CYREN: variants seen among roughly 807,000 people sequenced by gnomAD.
CYREN encodes the protein cell cycle regulator of NHEJ.
CYREN carries 7 observed loss-of-function variants against 9.7 expected under a neutral mutation model. The observed-to-expected ratio is 0.72, with a 90% CI of 0.41 to 1.36. The LOEUF is 1.36. Ranked by LOEUF, CYREN falls within the 40% of genes most tolerant of loss-of-function variation. CYREN has a pLI of 0.01. For missense variants in CYREN, 215 were observed against 198.1 expected (o/e 1.09, Z -0.51); for synonymous variants, 76 against 77.9 (o/e 0.98, Z 0.13).
chr7:135,165,331 T>C (rs185351292), downstream of CYREN: 41 of 243,766 alleles, frequency 1.7e-4, no homozygotes, highest in African/African-American at 7.7e-4. Flanking sequence ...GAGGGAGTGA[T>C]TGCTGTCATG....
intron 2 of CYREN, among the ~76,000 whole-genome samples, chr7:135,099,540 C>T (rs1021188851): frequency 1.3e-5 from 2 of 152,082 alleles, no homozygotes; most frequent in Non-Finnish European, 2.9e-5. Context: ...AATACCTGAA[C>T]GAGCCCCTTC....
chr7:135,128,420 G>C, intron 2 of CYREN: 1 of 650,822 alleles, frequency 1.5e-6, no homozygotes, highest in South Asian at 1.6e-5. Context: ...TGGTCATCTT[G>C]GTTTTGTTCC....
chr7:135,102,135 C>G (rs781240248), intron 2 of CYREN, among the ~76,000 whole-genome samples: 3 of 152,146 alleles, frequency 2.0e-5, no homozygotes, highest in Admixed American at 6.5e-5. Flanking sequence ...TAAAAACAGA[C>G]TAATACAATG....
At chr7:135,116,487 T>G (rs1293628352) in intron 2 of CYREN, among the ~76,000 whole-genome samples, 1 of 152,196 alleles carries the variant, frequency 6.6e-6, no homozygotes. Flanking sequence ...AAACCCTGAC[T>G]CTTCACTAGG....
At chr7:135,148,447 C>A (rs980324004) in intron 2 of CYREN, among the ~76,000 whole-genome samples, 1 of 152,218 alleles carries the variant, frequency 6.6e-6, no homozygotes, top group East Asian at 1.9e-4. Context: ...TAATCTACCC[C>A]CTTTACTCTC....
chr7:135,166,905 C>T (rs200327592), intron 3 of CYREN, 34 bp from the exon 4 acceptor site: 14 of 1,600,108 alleles, frequency 8.7e-6, no homozygotes, highest in South Asian at 2.2e-5. Context: ...GCTCAACATA[C>T]GTGTTTTATT....
intron 2 of CYREN, among the ~76,000 whole-genome samples, chr7:135,129,945 G>A (rs1222652829): frequency 6.6e-6 from 1 of 152,152 alleles, no homozygotes. Context: ...ATATTATAAT[G>A]TGTCCAAAGC....
At chr7:135,121,539 C>T (rs1383415169) in intron 2 of CYREN, among the ~76,000 whole-genome samples, 1 of 145,558 alleles carries the variant, frequency 6.9e-6, no homozygotes, top group Non-Finnish European at 1.5e-5. Flanking sequence ...AATCAATAGC[C>T]AAAGGGTAAT....
At chr7:135,149,248 A>G (rs1372035096) in intron 2 of CYREN, among the ~76,000 whole-genome samples, 1 of 152,108 alleles carries the variant, frequency 6.6e-6, no homozygotes, top group South Asian at 2.1e-4. Context: ...ATAGAGAACA[A>G]TTGCCTGTAA....
In CYREN at chr7:135,135,209, A is replaced by G. The variant is rs1186304383; in HGVS notation, n.356+33540T>C. On this transcript the variant is annotated intron_variant and non_coding_transcript_variant, in intron 2 of 2. Transcript: ENST00000459937. ...ACTAAAAATAAGGATGAGCAGGCCA[A>G]TAAGAATGATGGACAACCCACCTTA... 7 of 1,545,290 alleles carry G rather than the reference A, an allele frequency of 4.5e-6. No homozygotes were observed. Among genetic ancestry groups the G allele is most frequent in the African/African-American group, 1.4e-5 (1 of 72,372 alleles).
intron 2 of CYREN, among the ~76,000 whole-genome samples, chr7:135,119,158 TATA>T (rs1489007540): frequency 1.3e-5 from 2 of 151,748 alleles, no homozygotes; most frequent in Non-Finnish European, 2.9e-5. Flanking sequence ...GACATAAACC[TATA>T]GATCAAAAAG....
chr7:135,127,208 G>T (rs1828000475), intron 2 of CYREN, among the ~76,000 whole-genome samples: 1 of 152,284 alleles, frequency 6.6e-6, no homozygotes, highest in East Asian at 1.9e-4. Flanking sequence ...AGTGGGCAAA[G>T]GATATGAAGA....
At chr7:135,146,936 T>C (rs1829559221) in intron 2 of CYREN, among the ~76,000 whole-genome samples, 1 of 152,206 alleles carries the variant, frequency 6.6e-6, no homozygotes, top group Non-Finnish European at 1.5e-5. Context: ...TTTCTATCTC[T>C]TCTATATCAC....
At position 135,160,431 on chromosome 7, in the gene CYREN, G is replaced by C. The variant is rs117471925; in HGVS notation, n.356+8318C>G. 1.8e-3 allele frequency among the ~76,000 whole-genome samples: 278 copies of C among 152,316 alleles called. 3 individuals carry two copies. Among genetic ancestry groups the C allele is most frequent in the Non-Finnish European group, 2.7e-3 (185 of 68,022 alleles). ...TAAGAAAAGAAAAACAAAAACCAGG[G>C]AAGGCCCATGGGGAAGTAGAGAAGA... On this transcript the variant is annotated intron_variant and non_coding_transcript_variant, in intron 2 of 2. Transcript: ENST00000459937.
At chr7:135,105,537 G>A (rs1368324856) in intron 2 of CYREN, among the ~76,000 whole-genome samples, 1 of 152,204 alleles carries the variant, frequency 6.6e-6, no homozygotes, top group Non-Finnish European at 1.5e-5. Context: ...AGATCAGATG[G>A]TTGTAGATGT....
At chr7:135,109,416 G>C (rs953234454) in intron 2 of CYREN, among the ~76,000 whole-genome samples, 1 of 151,838 alleles carries the variant, frequency 6.6e-6, no homozygotes, top group Admixed American at 6.6e-5. Context: ...AGTGGCTGAA[G>C]ACTCAGACTG....
In CYREN at chr7:135,166,714, G is replaced by A; in HGVS notation, c.371C>T (p.Pro124Leu). Residue 124 changes from proline (P) to leucine (L), a missense_variant, in exon 4 of 4, where the codon CCT becomes CTT. Coordinates refer to ENST00000393114, the MANE Select transcript of CYREN (RefSeq NM_024033.4). ...GCTGGAACCCCCCGGCCTCTGGGAAGGGCTGAGGCCTGGAGCCAGTGCCTG... is the reference window on the plus strand; with the variant it reads ...GCTGGAACCCCCCGGCCTCTGGGAAAGGCTGAGGCCTGGAGCCAGTGCCTG... The part of the protein sequence containing the change: ...GKQALAPGLS[P>L]SQRPGGSSSA... 1 of 1,613,644 alleles carries A rather than the reference G, an allele frequency of 6.2e-7. No homozygotes were observed. The highest frequency in any genetic ancestry group is 1.3e-5 in the African/African-American group (1 of 75,054).
At position 135,092,888 on chromosome 7, in the gene CYREN, A is replaced by T. The variant is rs530447973; in HGVS notation, n.2051T>A. 6 of 152,242 alleles carry T rather than the reference A, an allele frequency of 3.9e-5. No homozygotes were observed. In the East Asian group the frequency reaches 1.2e-3, roughly 29 times the overall value. The allele number at this position is 152,242 out of a possible 1,614,324, so 9.4% of individuals were successfully genotyped here. On this transcript the variant is annotated non_coding_transcript_exon_variant, in exon 3 of 3. Transcript: ENST00000459937. ...CATACGAAATTATGAAAATTAAACAATATAATATACCATGTTAATAGAATA... is the reference window on the plus strand; with the variant it reads ...CATACGAAATTATGAAAATTAAACATTATAATATACCATGTTAATAGAATA...
At chr7:135,155,777 C>G (rs542219550) in intron 2 of CYREN, among the ~76,000 whole-genome samples, 1 of 152,178 alleles carries the variant, frequency 6.6e-6, no homozygotes, top group African/African-American at 2.4e-5. Flanking sequence ...CTTGAGCCCA[C>G]GAGGTCAAGG....
Sources: allele counts gnomAD v4.1 joint callset (sites outside exome capture counted in the v4.1 genomes callset), GRCh38; gene constraint gnomAD v4.1.1; transcripts MANE v1.5; gene names NCBI Gene and HGNC (gene_info 2026-07-23, HGNC 2026-07-21).